The following RMI1 variants were observed in gnomAD, a reference collection of about 807,000 sequenced individuals.
RMI1 encodes the protein recQ-mediated genome instability protein 1.
RMI1 carries 36 observed loss-of-function variants against 46.7 expected under a neutral mutation model. The ratio of observed to expected loss-of-function variants is 0.77; its 90% CI spans 0.59 to 1.02. The LOEUF (loss-of-function observed/expected upper bound fraction) is 1.02. RMI1 is among the 50% of genes least tolerant of loss of function. The pLI, the probability that RMI1 is intolerant of heterozygous loss-of-function variation, is 0.00. For synonymous variants in RMI1, 250 were observed against 252.9 expected (o/e 0.99, Z 0.11); for missense variants, 676 against 713.7 (o/e 0.95, Z 0.60).
chr9:84,000,524 G>C (rs1957722153), intron 2 of RMI1, among the ~76,000 whole-genome samples: 1 of 152,230 alleles, frequency 6.6e-6, no homozygotes, highest in Admixed American at 6.5e-5. Context: ...TCCACTGGGG[G>C]TATTGGAGCA....
At position 84,001,279 on chromosome 9, in the gene RMI1, C is replaced by G; in HGVS notation, c.293C>G (p.Pro98Arg). 6.2e-7 allele frequency: 1 copy of G among 1,614,072 alleles called. No individual in the cohort carries two copies. The highest frequency in any genetic ancestry group is 8.5e-7 in the Non-Finnish European group (1 of 1,179,984). ...AATTCCTTGGTTGATGTAAGTCAGC[C>G]TGCATACTCCCAGATACAGAAGTTG... ...QINSLVDVSQ[P>R]AYSQIQKLRG... is the part of the protein sequence containing the mutation. The change falls in exon 3 of 3, where the codon CCT becomes CGT. Residue 98 changes from proline (P) to arginine (R), a missense_variant. By Grantham distance (103) the Pro-to-Arg change is moderately radical. Transcript: ENST00000445877.
In RMI1 at chr9:84,002,145, A is replaced by G; in HGVS notation, c.1159A>G (p.Lys387Glu). 1 of 1,613,770 alleles carries G rather than the reference A, an allele frequency of 6.2e-7. No individual in the cohort carries two copies. Among genetic ancestry groups the G allele is most frequent in the Non-Finnish European group, 8.5e-7 (1 of 1,179,854 alleles). The change falls in exon 3 of 3, where the codon AAA becomes GAA. Residue 387 changes from lysine to glutamate, a missense_variant. Lys to Glu is a moderately conservative substitution (Grantham distance 56, BLOSUM62 1). Transcript: ENST00000445877. ...ATCTGAACAAATGACTAATGAAGAC[A>G]AATCATTTGGTTGTCCATCTGTTAG... Reference protein sequence around the residue: ...NVSEQMTNEDKSFGCPSVRDQ... With the variant: ...NVSEQMTNEDESFGCPSVRDQ...
rs1957733994 is a variant in RMI1 at position 84,001,377 on chromosome 9, C to T, written c.391C>T (p.Pro131Ser). The change falls in exon 3 of 3, where the codon CCT (proline) becomes TCT (serine). Residue 131 changes from proline to serine, a missense_variant. Pro to Ser is a moderately conservative substitution (Grantham distance 74). Coordinates refer to ENST00000445877, the MANE Select transcript of RMI1 (RefSeq NM_001358291.2). The part of the protein sequence containing the change: ...QVTPKPWEAK[P>S]SRMLMLQLTD... ...AACCCCAAAACCTTGGGAAGCAAAG[C>T]CTTCACGAATGTTGATGCTGCAGCT... 2 of 1,614,102 alleles carry T rather than the reference C, an allele frequency of 1.2e-6. No homozygotes were observed. The highest frequency in any genetic ancestry group is 2.2e-5 in the East Asian group (1 of 44,874).
intron 2 of RMI1, 73 bp from the exon 3 acceptor site, chr9:84,000,878 G>A (rs1957726778): frequency 6.5e-6 from 5 of 766,620 alleles, no homozygotes; most frequent in Non-Finnish European, 1.0e-5. Context: ...GCCTGTCTGT[G>A]CATTGTAGAG....
At chr9:83,992,757 T>C (rs1957592915) in intron 1 of RMI1, among the ~76,000 whole-genome samples, 1 of 152,234 alleles carries the variant, frequency 6.6e-6, no homozygotes, top group Admixed American at 6.5e-5. Context: ...TGCTATATAT[T>C]GGCCTTATAT....
At chr9:83,989,672 A>AAT (rs1554705259) in intron 1 of RMI1, among the ~76,000 whole-genome samples, 5 of 148,138 alleles carry the variant, frequency 3.4e-5, no homozygotes, top group Non-Finnish European at 5.9e-5. Context: ...AAAGACAAAA[A>AAT]AAAAAATAAA....
chr9:83,983,593 C>T (rs767052985), intron 1 of RMI1, among the ~76,000 whole-genome samples: 3 of 152,118 alleles, frequency 2.0e-5, no homozygotes, highest in Non-Finnish European at 4.4e-5. Context: ...GGATGACACT[C>T]CTGCCTCGCT....
Position 84,001,941 on chromosome 9 carries a change from G to A in RMI1, c.955G>A (p.Ala319Thr), listed in dbSNP as rs747387117. 8 of 1,613,946 alleles carry A rather than the reference G, an allele frequency of 5.0e-6. No homozygotes were observed. Among genetic ancestry groups the A allele is most frequent in the Admixed American group, 1.7e-5 (1 of 59,984 alleles). ...GELDDFSLEE[A>T]LLLEETVQKE... ...ATTAGATGACTTTTCACTGGAGGAG[G>A]CCTTGCTTTTAGAAGAAACTGTCCA... Residue 319 changes from alanine to threonine, a missense_variant, in exon 3 of 3, where the codon GCC becomes ACC. Physicochemically the swap from Ala to Thr is moderately conservative, Grantham distance 58. Coordinates refer to ENST00000445877, the MANE Select transcript of RMI1 (RefSeq NM_001358291.2).
upstream of RMI1, chr9:83,980,447 G>A (rs1588449089): frequency 6.5e-6 from 1 of 152,724 alleles, no homozygotes; most frequent in Admixed American, 6.5e-5. Flanking sequence ...AGCCTTTCAG[G>A]GAGCCCCAAC....
rs758839255 is a variant in RMI1, at chr9:83,986,531, C to T, written c.-126+5640C>T. On this transcript the variant is annotated intron_variant, in intron 1 of 2. Transcript: ENST00000445877. ...CTGCTGTTGGGTATGATATGTATGCCTTAATCTTCATGCCTCAGTTTCATC... is the reference window on the plus strand; with the variant it reads ...CTGCTGTTGGGTATGATATGTATGCTTTAATCTTCATGCCTCAGTTTCATC... 9.9e-5 allele frequency among the ~76,000 whole-genome samples: 15 copies of T among 152,116 alleles called. No homozygotes were observed. In the South Asian group the frequency reaches 1.9e-3, roughly 19 times the overall value.
At chr9:83,981,129 G>T (rs1957378188) in intron 1 of RMI1, 1 of 152,358 alleles carries the variant, frequency 6.6e-6, no homozygotes, top group Admixed American at 6.5e-5. Flanking sequence ...TTCTCGGCCT[G>T]CCTTGCGCCG....
chr9:83,984,621 G>T (rs1227635610), intron 1 of RMI1, among the ~76,000 whole-genome samples: 1 of 151,518 alleles, frequency 6.6e-6, no homozygotes, highest in Admixed American at 6.6e-5. Flanking sequence ...TAGTGCAATG[G>T]CACAATCTCG....
rs1431778605 is a variant in RMI1, at chr9:84,002,031, A to G, written c.1045A>G (p.Ile349Val). The change falls in exon 3 of 3, where the codon ATA (isoleucine) becomes GTA (valine). Residue 349 changes from isoleucine to valine, a missense_variant. Ile to Val is a conservative substitution (Grantham distance 29, BLOSUM62 3). Coordinates refer to ENST00000445877, the MANE Select transcript of RMI1 (RefSeq NM_001358291.2). ...TTTTAACAGAAATGCCGATCGAAGT[A>G]TAGAGAGATTTTCACATAATCCTAA... ...LTFNRNADRS[I>V]ERFSHNPNTT... 8 of 1,614,008 alleles carry G rather than the reference A, an allele frequency of 5.0e-6. No individual in the cohort carries two copies. In the East Asian group the frequency reaches 1.8e-4, roughly 36 times the overall value.
intron 1 of RMI1, among the ~76,000 whole-genome samples, chr9:83,992,030 G>A (rs909962162): frequency 6.6e-6 from 1 of 152,254 alleles, no homozygotes; most frequent in East Asian, 1.9e-4. Flanking sequence ...GATTGCTGGG[G>A]ATTTGAATGG....
Position 83,991,237 on chromosome 9 carries a change from T to C in RMI1, c.-125-8472T>C, listed in dbSNP as rs536033596. 3.3e-5 allele frequency among the ~76,000 whole-genome samples: 5 copies of C among 152,344 alleles called. No individual in the cohort carries two copies. In the East Asian group the frequency reaches 9.6e-4, roughly 29 times the overall value. ...GTCTTTTTATATTCCTAACAGTGTC[T>C]TTCATAGAACAGACGTTTTAAATTT... On this transcript the variant is annotated intron_variant, in intron 1 of 2. Coordinates refer to ENST00000445877, the MANE Select transcript of RMI1 (RefSeq NM_001358291.2).
chr9:83,993,695 A>G (rs1229048170), intron 1 of RMI1, among the ~76,000 whole-genome samples: 9 of 152,068 alleles, frequency 5.9e-5, no homozygotes, highest in Admixed American at 5.9e-4. Context: ...TGAGGATGAG[A>G]TCTCATTGTG....
rs1957742959 is a variant in RMI1, at chr9:84,001,908, G to A, written c.922G>A (p.Asp308Asn). 1.2e-6 allele frequency: 2 copies of A among 1,613,966 alleles called. No homozygotes were observed. The highest frequency in any genetic ancestry group is 1.7e-6 in the Non-Finnish European group (2 of 1,179,880). ...ATCAAACCTATCTATACATGTAATGGATGGAGAATTAGATGACTTTTCACT... is the reference window on the plus strand; with the variant it reads ...ATCAAACCTATCTATACATGTAATGAATGGAGAATTAGATGACTTTTCACT... ...EPSNLSIHVM[D>N]GELDDFSLEE... Residue 308 changes from aspartate (D) to asparagine (N), a missense_variant, in exon 3 of 3, where the codon GAT becomes AAT. By Grantham distance (23) the Asp-to-Asn change is conservative. Transcript: ENST00000445877.
At chr9:83,982,003 G>A (rs1957413347) in intron 1 of RMI1, among the ~76,000 whole-genome samples, 1 of 152,154 alleles carries the variant, frequency 6.6e-6, no homozygotes, top group Non-Finnish European at 1.5e-5. Context: ...CTCTTTAAGT[G>A]ATAATATAAT....
chr9:84,000,013 T>G (rs1203457065), intron 2 of RMI1, among the ~76,000 whole-genome samples: 1 of 152,202 alleles, frequency 6.6e-6, no homozygotes, highest in Non-Finnish European at 1.5e-5. Context: ...AATAAGATGC[T>G]TTACATCTAT....
Sources: gnomAD v4.1 joint callset for allele counts (sites outside exome capture counted in the v4.1 genomes callset) on GRCh38, gnomAD v4.1.1 for gene constraint, MANE v1.5 for transcripts, NCBI Gene and HGNC (gene_info 2026-07-23, HGNC 2026-07-21) for gene names.